Variants in PTBP2 observed in about 807,000 individuals in gnomAD.
PTBP2 encodes polypyrimidine tract binding protein 2.
A neutral mutation model predicts 61.4 loss-of-function variants in PTBP2; 13 were observed. The ratio of observed to expected loss-of-function variants is 0.21; its 90% confidence interval spans 0.14 to 0.34. The LOEUF is 0.34. Ranked by LOEUF, PTBP2 falls within the 10% of genes least tolerant of loss-of-function variation. The pLI is 1.00. For missense variants in PTBP2, 405 were observed against 642.6 expected, an observed-to-expected ratio of 0.63 and a Z score of 4.00; for synonymous variants, 215 against 218.5, an observed-to-expected ratio of 0.98 and a Z score of 0.14.
intron 11 of PTBP2, among the ~76,000 whole-genome samples, chr1:96,807,936 G>C (rs893746125): frequency 6.6e-6 from 1 of 152,130 alleles, no homozygotes; most frequent in African/African-American, 2.4e-5. Flanking sequence ...CTCTTTCTCT[G>C]TGTGCACTTC....
chr1:96,791,871 A>C (rs1659876662), intron 8 of PTBP2, among the ~76,000 whole-genome samples: 1 of 96,920 alleles, frequency 1.0e-5, no homozygotes, highest in African/African-American at 4.6e-5. Context: ...TGGCTCTGTC[A>C]CCCAGGCTGG....
At chr1:96,789,353 A>G (rs1659545389) in intron 8 of PTBP2, among the ~76,000 whole-genome samples, 1 of 152,074 alleles carries the variant, frequency 6.6e-6, no homozygotes, top group Admixed American at 6.5e-5. Flanking sequence ...GGTCTTATAG[A>G]ATATTGTTTC....
intron 11 of PTBP2, among the ~76,000 whole-genome samples, chr1:96,807,404 C>CTTA (rs1571024223): frequency 1.3e-5 from 2 of 152,270 alleles, no homozygotes; most frequent in South Asian, 2.1e-4. Flanking sequence ...TGTTGTTAAT[C>CTTA]CCTTTGGGAA....
rs1658213713 is a variant in PTBP2, at chr1:96,777,957, C to G, written c.708+11C>G. On this transcript the variant is annotated intron_variant, in intron 7 of 13. Transcript: ENST00000674951. ...CAACAAGCAAAACTAGTAAGTCTTT[C>G]TTTTGAGATGGTGATTTTTTTTTAT... 2.7e-6 allele frequency: 4 copies of G among 1,455,496 alleles called. No homozygotes were observed. The highest frequency in any genetic ancestry group is 2.3e-4 in the Middle Eastern group (1 of 4,400). The allele number at this position is 1,455,496 out of a possible 1,614,324, so 90.2% of individuals were successfully genotyped here.
At chr1:96,780,483 G>A (rs1401538756) in intron 7 of PTBP2, among the ~76,000 whole-genome samples, 2 of 151,862 alleles carry the variant, frequency 1.3e-5, no homozygotes, top group Admixed American at 6.6e-5. Flanking sequence ...CTTCCTCAGC[G>A]TCACCAGCGA....
At chr1:96,765,929 A>G (rs1018890259) in intron 3 of PTBP2, among the ~76,000 whole-genome samples, 4 of 152,290 alleles carry the variant, frequency 2.6e-5, no homozygotes, top group Middle Eastern at 3.4e-3. Flanking sequence ...TAGGGGTGCT[A>G]TTAGAGAAAT....
At chr1:96,819,833 CT>C (rs1205327899), downstream of PTBP2, 2 of 151,446 alleles carry the variant, frequency 1.3e-5, no homozygotes, top group Non-Finnish European at 3.0e-5. Context: ...GTATATTCAA[CT>C]ATGGTGGAGG....
At chr1:96,755,228 T>G (rs185177899) in intron 3 of PTBP2, among the ~76,000 whole-genome samples, 1 of 152,166 alleles carries the variant, frequency 6.6e-6, no homozygotes, top group Non-Finnish European at 1.5e-5. Flanking sequence ...AGATGGTAAG[T>G]AAGCACGTGA....
chr1:96,725,188 G>A (rs1207877067), intron 2 of PTBP2, among the ~76,000 whole-genome samples: 1 of 152,082 alleles, frequency 6.6e-6, no homozygotes, highest in Non-Finnish European at 1.5e-5. Flanking sequence ...GTGAGTTGTC[G>A]ACTGTTAGTG....
At chr1:96,755,096 A>G (rs974005830) in intron 3 of PTBP2, among the ~76,000 whole-genome samples, 14 of 152,246 alleles carry the variant, frequency 9.2e-5, no homozygotes, top group Admixed American at 2.6e-4. Context: ...CATATAGCTG[A>G]TAAAGGACTT....
At chr1:96,822,751 T>A (rs576743668) in exon 14 of PTBP2, 1 of 150,402 alleles carries the variant, frequency 6.6e-6, no homozygotes, top group African/African-American at 2.5e-5. Flanking sequence ...GAAAGACCCT[T>A]ACTCAGTAAA....
intron 8 of PTBP2, among the ~76,000 whole-genome samples, chr1:96,787,550 T>TTA (rs932241990): frequency 1.1e-4 from 17 of 152,232 alleles, no homozygotes. Context: ...TTGCATCTTG[T>TTA]TATAACTGGG....
At chr1:96,787,876 G>A (rs1021496016) in intron 8 of PTBP2, among the ~76,000 whole-genome samples, 2 of 152,058 alleles carry the variant, frequency 1.3e-5, no homozygotes, top group Non-Finnish European at 2.9e-5. Flanking sequence ...AAACACCCTT[G>A]TACTTTTTTG....
chr1:96,807,109 A>G (rs1661566864), intron 11 of PTBP2, 151 bp downstream of exon 11: 2 of 575,414 alleles, frequency 3.5e-6, no homozygotes, highest in East Asian at 3.3e-5. Flanking sequence ...GAATAGTTGT[A>G]TGTGACGAAC....
chr1:96,776,399 A>G (rs1658049615), intron 5 of PTBP2, among the ~76,000 whole-genome samples: 1 of 150,696 alleles, frequency 6.6e-6, no homozygotes, highest in African/African-American at 2.4e-5. Flanking sequence ...TTTAATTAGT[A>G]AGTCATTTTG....
In PTBP2 at chr1:96,814,911, C is replaced by A. The variant is rs1037756481; in HGVS notation, c.*1506C>A. On this transcript the variant is annotated 3_prime_UTR_variant, in exon 14 of 14. Coordinates refer to ENST00000674951, the MANE Select transcript of PTBP2 (RefSeq NM_021190.4). Reference sequence around the variant, plus strand: ...CACCTTTTCTGTCTTTCTCTGCTGCCTTTTCTCTCTCCTCTTCTTTGTTTT... The same window carrying A: ...CACCTTTTCTGTCTTTCTCTGCTGCATTTTCTCTCTCCTCTTCTTTGTTTT... 17 of 152,466 alleles carry A rather than the reference C, an allele frequency of 1.1e-4. No individual in the cohort carries two copies. Among genetic ancestry groups the A allele is most frequent in the African/African-American group, 3.9e-4 (16 of 41,398 alleles). 9.4% of individuals were successfully genotyped at this position (152,466 alleles called of 1,614,324 possible).
rs532280348 is a variant in PTBP2, at chr1:96,781,733, G to A, written c.709-3326G>A. Among the ~76,000 whole-genome samples, 8 of 152,042 alleles carry A rather than the reference G, an allele frequency of 5.3e-5. No homozygotes were observed. In the East Asian group the frequency reaches 1.4e-3, roughly 26 times the overall value. ...GTGTATATTTTCTGTCGGACTGTAA[G>A]TTCTGAGTACCATGTCTGCTTTGCT... is the stretch of plus-strand genomic sequence containing the variant. On this transcript the variant is annotated intron_variant, in intron 7 of 13. Coordinates refer to ENST00000674951, the MANE Select transcript of PTBP2 (RefSeq NM_021190.4).
At chr1:96,759,069 A>G (rs1413364043) in intron 3 of PTBP2, among the ~76,000 whole-genome samples, 1 of 152,058 alleles carries the variant, frequency 6.6e-6, no homozygotes, top group Non-Finnish European at 1.5e-5. Flanking sequence ...AATATCAGGA[A>G]AAAAATTTGA....
chr1:96,808,476 T>C (rs1661715183), intron 11 of PTBP2, among the ~76,000 whole-genome samples: 1 of 152,054 alleles, frequency 6.6e-6, no homozygotes, highest in Non-Finnish European at 1.5e-5. Flanking sequence ...GAATCAGGGC[T>C]TTACCCTTAA....
Sources: gnomAD v4.1 joint callset for allele counts (sites outside exome capture counted in the v4.1 genomes callset) on GRCh38, gnomAD v4.1.1 for gene constraint, MANE v1.5 for transcripts, NCBI Gene and HGNC (gene_info 2026-07-23, HGNC 2026-07-21) for gene names.